PCLO: variants seen among roughly 807,000 people sequenced by gnomAD.
PCLO encodes the protein piccolo presynaptic cytomatrix protein, also known as protein piccolo.
PCLO carries 82 observed loss-of-function variants against 427.5 expected under a neutral mutation model. The observed-to-expected ratio is 0.19, with a 90% confidence interval of 0.16 to 0.23. The LOEUF (loss-of-function observed/expected upper bound fraction) is 0.23, where lower values mean the gene tolerates loss of function less well. Among genes scored for constraint, PCLO ranks in the 10% least tolerant of loss-of-function variants. The pLI, the probability that PCLO is intolerant of heterozygous loss-of-function variation, is 1.00. For synonymous variants in PCLO, 2,357 were observed against 2,155.4 expected (o/e 1.09, Z -2.59); for missense variants, 6,239 against 6,115.9 (o/e 1.02, Z -0.67).
In PCLO at chr7:82,949,593, G is replaced by T; in HGVS notation, c.10995C>A (p.Pro3665=). The T allele has an allele frequency of 1.2e-6, 2 of 1,613,824 alleles. No individual in the cohort carries two copies. The highest frequency in any genetic ancestry group is 2.7e-5 in the African/African-American group (2 of 74,990). ...KVLHPDMAKV[P]PASPKTAKMM... The stretch of plus-strand genomic sequence containing the variant: ...TCTTGGCTGTCTTAGGACTTGCTGG[G>T]GGAACTTTAGCCATATCTGGATGCA... Residue 3665 remains proline (P), a synonymous_variant, in exon 6 of 25, where the codon CCC becomes CCA. Transcript: ENST00000333891.
chr7:82,896,526 A>C (rs544907490), intron 9 of PCLO, among the ~76,000 whole-genome samples: 2 of 151,846 alleles, frequency 1.3e-5, no homozygotes, highest in African/African-American at 4.8e-5. Context: ...GCAGCCTCAA[A>C]GGAGTCTTTG....
At chr7:83,111,584 ACAAAGAAACTAGACCT>A (rs1791002823) in intron 3 of PCLO, among the ~76,000 whole-genome samples, 2 of 152,228 alleles carry the variant, frequency 1.3e-5, no homozygotes, top group Admixed American at 1.3e-4. Context: ...CTGAGAGTCC[ACAAAGAAACTAGACCT>A]CATTCCTACA....
chr7:82,949,459 A>G lies in PCLO; in HGVS notation c.11112+17T>C. 1 of 1,534,390 alleles carries G rather than the reference A, an allele frequency of 6.5e-7. No individual in the cohort carries two copies. The highest frequency in any genetic ancestry group is 8.8e-7 in the Non-Finnish European group (1 of 1,140,150). On this transcript the variant is annotated intron_variant, in intron 6 of 24. Transcript: ENST00000333891. Reference sequence around the variant, plus strand: ...TAACTCATCCATTGCCTTCCAACTGAAAAGAATCACTCTTACCGTATAGCC... The same window carrying G: ...TAACTCATCCATTGCCTTCCAACTGGAAAGAATCACTCTTACCGTATAGCC...
intron 21 of PCLO, among the ~76,000 whole-genome samples, chr7:82,802,085 C>T (rs186968689): frequency 4.2e-4 from 62 of 149,066 alleles, no homozygotes; most frequent in Middle Eastern, 3.5e-3. Context: ...TTTTTTTCAA[C>T]TCCTTTCTGT....
At chr7:82,830,039 A>G (rs2115702203) in intron 16 of PCLO, among the ~76,000 whole-genome samples, 1 of 152,100 alleles carries the variant, frequency 6.6e-6, no homozygotes, top group Admixed American at 6.6e-5. Flanking sequence ...ACATGTATAT[A>G]TGACATACAT....
chr7:83,107,976 A>C (rs1790905443), intron 3 of PCLO, among the ~76,000 whole-genome samples: 1 of 123,868 alleles, frequency 8.1e-6, no homozygotes, highest in Non-Finnish European at 1.6e-5. Flanking sequence ...TGACAGAGTG[A>C]GACTCCGTCT....
At chr7:82,780,291 A>G (rs1189201364) in intron 22 of PCLO, among the ~76,000 whole-genome samples, 1 of 152,226 alleles carries the variant, frequency 6.6e-6, no homozygotes, top group African/African-American at 2.4e-5. Context: ...ATTGCCATTA[A>G]AGTTGAAATT....
At chr7:83,112,719 A>G (rs748751988) in intron 3 of PCLO, among the ~76,000 whole-genome samples, 3 of 152,216 alleles carry the variant, frequency 2.0e-5, no homozygotes, top group Non-Finnish European at 4.4e-5. Flanking sequence ...CCTTTCATAC[A>G]TAAAGAAAGC....
chr7:82,914,631 G>C (rs774625456), intron 7 of PCLO, 55 bp downstream of exon 7: 1 of 1,558,064 alleles, frequency 6.4e-7, no homozygotes. Context: ...TAAACATGCA[G>C]AAAAATAAGA....
In PCLO at chr7:83,102,581, A is replaced by T. The variant is rs112101939; in HGVS notation, c.3300+31669T>A. Reference sequence around the variant, plus strand: ...TTGTGATATCAGGCAAGTTACTTAAAATCTATGACATTTGGCTATTTCAAC... The same window carrying T: ...TTGTGATATCAGGCAAGTTACTTAATATCTATGACATTTGGCTATTTCAAC... On this transcript the variant is annotated intron_variant, in intron 3 of 24. Coordinates refer to ENST00000333891, the MANE Select transcript of PCLO (RefSeq NM_033026.6). 4.7e-3 allele frequency among the ~76,000 whole-genome samples: 711 copies of T among 152,068 alleles called. 2 individuals are homozygous for T. Among genetic ancestry groups the T allele is most frequent in the African/African-American group, 0.013 (545 of 41,520 alleles).
At chr7:83,094,150 C>T (rs1473262103) in intron 3 of PCLO, among the ~76,000 whole-genome samples, 1 of 150,356 alleles carries the variant, frequency 6.7e-6, no homozygotes, top group Non-Finnish European at 1.5e-5. Context: ...TTTGTCATTT[C>T]AAGAATGTTA....
chr7:82,773,018 T>A (rs542511234), intron 22 of PCLO, among the ~76,000 whole-genome samples: 1 of 152,098 alleles, frequency 6.6e-6, no homozygotes, highest in African/African-American at 2.4e-5. Context: ...TAGACCAACA[T>A]GCTAGCAAAG....
At chr7:83,152,131 A>C (rs1057261626) in intron 2 of PCLO, among the ~76,000 whole-genome samples, 3 of 151,646 alleles carry the variant, frequency 2.0e-5, no homozygotes, top group Non-Finnish European at 4.4e-5. Flanking sequence ...CGCCCGGCTA[A>C]TTTTTTGTAT....
chr7:83,106,727 A>T (rs1034452935), intron 3 of PCLO, among the ~76,000 whole-genome samples: 1 of 152,154 alleles, frequency 6.6e-6, no homozygotes, highest in East Asian at 1.9e-4. Context: ...ATTCAGTTTA[A>T]TAGGCTATAA....
At chr7:82,787,390 G>A (rs564892627) in intron 22 of PCLO, among the ~76,000 whole-genome samples, 35 of 152,022 alleles carry the variant, frequency 2.3e-4, no homozygotes, top group African/African-American at 8.5e-4. Flanking sequence ...ATCTTCTTTT[G>A]AGAAGAAGAC....
intron 3 of PCLO, among the ~76,000 whole-genome samples, chr7:83,102,388 G>C (rs1238935055): frequency 6.6e-6 from 1 of 151,866 alleles, no homozygotes; most frequent in Non-Finnish European, 1.5e-5. Flanking sequence ...ATTTAACTCA[G>C]AATTAAGTGC....
At chr7:82,869,239 C>T (rs1174303432) in intron 10 of PCLO, among the ~76,000 whole-genome samples, 1 of 151,968 alleles carries the variant, frequency 6.6e-6, no homozygotes, top group Non-Finnish European at 1.5e-5. Context: ...ATTGATAAAA[C>T]CATATAATAT....
intron 6 of PCLO, among the ~76,000 whole-genome samples, chr7:82,937,323 C>A (rs1434437458): frequency 2.0e-5 from 3 of 150,026 alleles, no homozygotes; most frequent in Admixed American, 6.7e-5. Context: ...TGCCTGTTAA[C>A]ATCCACACTA....
At chr7:83,118,964 A>G (rs531692982) in intron 3 of PCLO, among the ~76,000 whole-genome samples, 24 of 152,184 alleles carry the variant, frequency 1.6e-4, no homozygotes, top group Non-Finnish European at 2.9e-4. Flanking sequence ...TGCAGAAAGG[A>G]GAGGGAAATA....
Sources: gnomAD v4.1 joint callset for allele counts (sites outside exome capture counted in the v4.1 genomes callset) on GRCh38, gnomAD v4.1.1 for gene constraint, MANE v1.5 for transcripts, NCBI Gene and HGNC (gene_info 2026-07-23, HGNC 2026-07-21) for gene names.